Variants in CLPP observed in about 807,000 individuals in gnomAD.
CLPP encodes caseinolytic mitochondrial matrix peptidase proteolytic subunit, also known as ATP-dependent Clp protease proteolytic subunit, mitochondrial.
In CLPP, 14 loss-of-function variants were observed where a neutral mutation model predicts 27.4. The ratio of observed to expected loss-of-function variants is 0.51; its 90% CI spans 0.34 to 0.80. The LOEUF (loss-of-function observed/expected upper bound fraction) is 0.80, where lower values mean the gene tolerates loss of function less well. Ranked by LOEUF, CLPP falls within the 30% of genes least tolerant of loss-of-function variation. CLPP has a pLI of 0.02. For missense variants in CLPP, 361 were observed against 403.6 expected, an observed-to-expected ratio of 0.89 and a Z score of 0.90; for synonymous variants, 193 against 166.6, an observed-to-expected ratio of 1.16 and a Z score of -1.22.
In CLPP at chr19:6,363,307, C is replaced by T. The variant is rs546872687; in HGVS notation, c.367+765C>T. ...CATGCCTGTCTAATTTTTTGTATTT[C>T]GTAGAGATGATGTTTCACCATGTTA... On this transcript the variant is annotated intron_variant, in intron 3 of 5. Coordinates refer to ENST00000245816, the MANE Select transcript of CLPP (RefSeq NM_006012.4). Among the ~76,000 whole-genome samples, 35 of 151,792 alleles carry T rather than the reference C, an allele frequency of 2.3e-4. No individual in the cohort carries two copies. The South Asian group carries it at 6.7e-3, about 29-fold the overall frequency.
In CLPP at chr19:6,364,030, A is replaced by T. The variant is rs2091849142; in HGVS notation, c.368-422A>T. On this transcript the variant is annotated intron_variant, in intron 3 of 5. Transcript: ENST00000245816. ...GTGAAAGCAGTGAAACCCAGTCTTAATTTTTTTTTTTTTTTTTTGAGATGG... is the reference window on the plus strand; with the variant it reads ...GTGAAAGCAGTGAAACCCAGTCTTATTTTTTTTTTTTTTTTTTTGAGATGG... Among the ~76,000 whole-genome samples the T allele has an allele frequency of 5.2e-5, 7 of 135,102 alleles. No individual in the cohort carries two copies. The Admixed American group carries it at 5.2e-4, about 10-fold the overall frequency. The allele number at this position is 135,102 out of a possible 152,430, so 88.6% of individuals were successfully genotyped here.
rs746020009 is a variant in CLPP at position 6,364,627 on chromosome 19, A to G, written c.543A>G (p.Ser181=). ...PNSRIMIHQP[S]GGARGQATDI... ...CCCGTATCATGATCCACCAGCCCTC[A>G]GGAGGCGCCCGGGTGAGTGCCAGAC... is the stretch of plus-strand genomic sequence containing the variant. The change falls in exon 4 of 6, where the codon TCA becomes TCG. Residue 181 remains serine (S), a synonymous_variant. Coordinates refer to ENST00000245816, the MANE Select transcript of CLPP (RefSeq NM_006012.4). 2 of 1,610,654 alleles carry G rather than the reference A, an allele frequency of 1.2e-6. No individual in the cohort carries two copies. Among genetic ancestry groups the G allele is most frequent in the Non-Finnish European group, 1.7e-6 (2 of 1,179,186 alleles).
chr19:6,363,771 T>C (rs77835095), intron 3 of CLPP, among the ~76,000 whole-genome samples: 6,645 of 151,560 alleles, frequency 0.044, 336 homozygotes, highest in African/African-American at 0.13. Flanking sequence ...GGTGGTGTAC[T>C]TGTAATCCAG....
chr19:6,362,509 A>C lies in CLPP; in HGVS notation c.334A>C (p.Lys112Gln), dbSNP rs764747815. ...CCTCTTCCTGCAATCCGAGAGCAACAAGAAGCCCATCCACATGTACATCAA... is the reference window on the plus strand; with the variant it reads ...CCTCTTCCTGCAATCCGAGAGCAACCAGAAGCCCATCCACATGTACATCAA... ...QLLFLQSESN[K>Q]KPIHMYINSP... Residue 112 changes from lysine to glutamine, a missense_variant, in exon 3 of 6, where the codon AAG (lysine) becomes CAG (glutamine). Lys to Gln is a moderately conservative substitution (Grantham distance 53). Coordinates refer to ENST00000245816, the MANE Select transcript of CLPP (RefSeq NM_006012.4). 13 of 1,613,726 alleles carry C rather than the reference A, an allele frequency of 8.1e-6. No homozygotes were observed. The highest frequency in any genetic ancestry group is 1.1e-5 in the Non-Finnish European group (13 of 1,179,840).
In CLPP at chr19:6,361,540, C is replaced by A. The variant is rs1430086241; in HGVS notation, c.-35C>A. 4 of 1,369,060 alleles carry A rather than the reference C, an allele frequency of 2.9e-6. No homozygotes were observed. Among genetic ancestry groups the A allele is most frequent in the Admixed American group, 3.5e-5 (1 of 28,642 alleles). The allele number at this position is 1,369,060 out of a possible 1,614,324, so 84.8% of individuals were successfully genotyped here. A position where few individuals can be genotyped will look rare whatever the true frequency, so the allele number is the denominator to read the frequency against. Reference sequence around the variant, plus strand: ...AAGCACGCCGGAAGCTGTAGTTCCGCCATCGGACGGAAGCCGACCGGGGCG... The same window carrying A: ...AAGCACGCCGGAAGCTGTAGTTCCGACATCGGACGGAAGCCGACCGGGGCG... On this transcript the variant is annotated 5_prime_UTR_variant, in exon 1 of 6. Coordinates refer to ENST00000245816, the MANE Select transcript of CLPP (RefSeq NM_006012.4).
At position 6,368,625 on chromosome 19, in the gene CLPP, A is replaced by C; in HGVS notation, c.749A>C (p.Gln250Pro). Residue 250 changes from glutamine (Q) to proline (P), a missense_variant, in exon 6 of 6, where the codon CAG (glutamine) becomes CCG (proline). By Grantham distance (76) the Gln-to-Pro change is moderately conservative. Around this residue, in one of 2 missense-constraint regions of CLPP, gnomAD observed 213 missense variants for 280.9 expected, o/e 0.76. Coordinates refer to ENST00000245816, the MANE Select transcript of CLPP (RefSeq NM_006012.4). ...ILDKVLVHPPQDGEDEPTLVQ... is the reference protein window; with the variant it reads ...ILDKVLVHPPPDGEDEPTLVQ... ...GACAAGGTTCTGGTCCACCCTCCCCAGGACGGTGAGGATGAGCCCACGCTG... is the reference window on the plus strand; with the variant it reads ...GACAAGGTTCTGGTCCACCCTCCCCCGGACGGTGAGGATGAGCCCACGCTG... 4.3e-6 allele frequency: 7 copies of C among 1,611,554 alleles called. No homozygotes were observed. Among genetic ancestry groups the C allele is most frequent in the Non-Finnish European group, 5.9e-6 (7 of 1,178,912 alleles).
At chr19:6,364,717 G>A (rs1201677275) in intron 4 of CLPP, 78 bp downstream of exon 4, 3 of 1,362,036 alleles carry the variant, frequency 2.2e-6, no homozygotes, top group Non-Finnish European at 3.0e-6. Context: ...CGGAAGTCAA[G>A]CGTGGGAGGG....
At chr19:6,365,183 A>T (rs1315141729) in intron 4 of CLPP, 1 of 148,416 alleles carries the variant, frequency 6.7e-6, no homozygotes, top group African/African-American at 2.5e-5. Context: ...CTATTAAAGA[A>T]AAAAAAAAAA....
rs111500124 is a variant in CLPP at position 6,368,260 on chromosome 19, G to A, written c.662-278G>A. ...AGTGCTCTCTTCCTGGCTTGCAGAC[G>A]GCCGCCTTCTCGCTGTGTCTTCACA... is the stretch of plus-strand genomic sequence containing the variant. On this transcript the variant is annotated intron_variant, in intron 5 of 5. Coordinates refer to ENST00000245816, the MANE Select transcript of CLPP (RefSeq NM_006012.4). Among the ~76,000 whole-genome samples the A allele has an allele frequency of 5.1e-3, 771 of 152,076 alleles. 4 individuals carry two copies. Among genetic ancestry groups the A allele is most frequent in the African/African-American group, 0.018 (751 of 41,448 alleles).
chr19:6,368,765 C>A lies in CLPP; in HGVS notation c.*55C>A. ...GAGGGGCCAGAGGCCTGCCAGACCC[C>A]CAGCTGGGCCCTGCTCACCCCTTGT... On this transcript the variant is annotated 3_prime_UTR_variant, in exon 6 of 6. Transcript: ENST00000245816. The A allele has an allele frequency of 2.7e-6, 4 of 1,494,486 alleles. No individual in the cohort carries two copies. The highest frequency in any genetic ancestry group is 3.6e-6 in the Non-Finnish European group (4 of 1,109,006). 92.6% of individuals were successfully genotyped at this position (1,494,486 alleles called of 1,614,324 possible). A position where few individuals can be genotyped will look rare whatever the true frequency, so the allele number is the denominator to read the frequency against.
intron 2 of CLPP, 70 bp from the exon 3 acceptor site, chr19:6,362,365 TTCCCTGACCCA>T: frequency 1.1e-6 from 1 of 943,672 alleles, no homozygotes; most frequent in Non-Finnish European, 1.7e-6. Flanking sequence ...CCCTTCCTGG[TTCCCTGACCCA>T]TCCCCAGCCT....
chr19:6,364,713 T>G (rs988709494), intron 4 of CLPP, 74 bp downstream of exon 4: 40 of 1,387,728 alleles, frequency 2.9e-5, no homozygotes, highest in Non-Finnish European at 3.8e-5. Flanking sequence ...TGGGCGGAAG[T>G]CAAGCGTGGG....
In CLPP at chr19:6,361,781, G is replaced by A; in HGVS notation, c.198+9G>A. 1 of 1,554,138 alleles carries A rather than the reference G, an allele frequency of 6.4e-7. No individual in the cohort carries two copies. The highest frequency in any genetic ancestry group is 8.6e-7 in the Non-Finnish European group (1 of 1,157,646). ...TCGTGGTGGAGCAGACGGTACGGCG[G>A]CCGGGCGGGGACACGGTTCGGGGGC... On this transcript the variant is annotated intron_variant, in intron 1 of 5. Transcript: ENST00000245816.
At chr19:6,364,737 T>G (rs1365409252) in intron 4 of CLPP, 98 bp downstream of exon 4, 1 of 1,234,266 alleles carries the variant, frequency 8.1e-7, no homozygotes, top group Non-Finnish European at 1.1e-6. Flanking sequence ...GGATGTTTTT[T>G]TTTTTTTTTG....
At chr19:6,363,880 G>A (rs965293140) in intron 3 of CLPP, among the ~76,000 whole-genome samples, 5 of 145,520 alleles carry the variant, frequency 3.4e-5, no homozygotes, top group Non-Finnish European at 6.0e-5. Context: ...ACGTGACAGT[G>A]AGACTCAGTC....
intron 2 of CLPP, 83 bp from the exon 3 acceptor site, chr19:6,362,363 G>T: frequency 1.1e-6 from 1 of 926,502 alleles, no homozygotes; most frequent in South Asian, 1.3e-5. Flanking sequence ...CCCCCTTCCT[G>T]GTTCCCTGAC....
intron 3 of CLPP, among the ~76,000 whole-genome samples, chr19:6,363,485 C>T (rs553300872): frequency 5.6e-4 from 85 of 152,212 alleles, no homozygotes; most frequent in Non-Finnish European, 9.6e-4. Context: ...GCACATCTGG[C>T]AAGAGTCAGC....
At position 6,362,555 on chromosome 19, in the gene CLPP, T is replaced by C. The variant is rs758405333; in HGVS notation, c.367+13T>C. 6.3e-7 allele frequency: 1 copy of C among 1,593,380 alleles called. No homozygotes were observed. Among genetic ancestry groups the C allele is most frequent in the Non-Finnish European group, 8.6e-7 (1 of 1,161,194 alleles). On this transcript the variant is annotated intron_variant, in intron 3 of 5. Transcript: ENST00000245816. ...ATCAACAGCCCTGGTGAGCAGGGTC[T>C]TTCCTGGGTGCCAGGGGCACTCGTC...
Position 6,364,447 on chromosome 19 carries a change from C to T in CLPP, c.368-5C>T. On this transcript the variant is annotated splice_region_variant and splice_polypyrimidine_tract_variant and intron_variant, in intron 3 of 5. Coordinates refer to ENST00000245816, the MANE Select transcript of CLPP (RefSeq NM_006012.4). ...CCAGCCCCTCACTTGCTCCCCCGCCCACAGGTGGTGTGGTGACCGCGGGCC... is the reference window on the plus strand; with the variant it reads ...CCAGCCCCTCACTTGCTCCCCCGCCTACAGGTGGTGTGGTGACCGCGGGCC... 2.5e-6 allele frequency: 4 copies of T among 1,604,054 alleles called. No homozygotes were observed. The highest frequency in any genetic ancestry group is 2.5e-6 in the Non-Finnish European group (3 of 1,176,930).
Sources: allele counts gnomAD v4.1 joint callset (sites outside exome capture counted in the v4.1 genomes callset), GRCh38; gene constraint gnomAD v4.1.1; regional missense constraint gnomAD v4.1.1; transcripts MANE v1.5; gene names NCBI Gene and HGNC (gene_info 2026-07-23, HGNC 2026-07-21).